SKIL: variants seen among roughly 807,000 people sequenced by gnomAD.
SKIL encodes the protein SKI like proto-oncogene, also known as ski-like protein.
Under a neutral mutation model 69.6 loss-of-function variants are expected in SKIL, and 20 were observed. The ratio of observed to expected loss-of-function variants is 0.29; its 90% confidence interval spans 0.20 to 0.42. The LOEUF (loss-of-function observed/expected upper bound fraction) is 0.42, where lower values mean the gene tolerates loss of function less well. Among genes scored for constraint, SKIL ranks in the 10% least tolerant of loss-of-function variants. The probability of loss-of-function intolerance (pLI) is 1.00; values close to 1 mark genes in which losing one functional copy is unlikely to be tolerated. For synonymous variants in SKIL, 310 were observed against 279.9 expected (o/e 1.11, Z -1.08); for missense variants, 745 against 783.1 (o/e 0.95, Z 0.58).
At chr3:170,379,900 TC>T (rs535724224) in intron 2 of SKIL, among the ~76,000 whole-genome samples, 131 of 152,272 alleles carry the variant, frequency 8.6e-4, no homozygotes, top group African/African-American at 3.0e-3. Context: ...CACCTCGGCC[TC>T]CCACAGTGCT....
chr3:170,360,108 G>C lies in SKIL; in HGVS notation c.-224G>C, dbSNP rs1736147410. On this transcript the variant is annotated 5_prime_UTR_variant, in exon 2 of 7. Transcript: ENST00000259119. Reference sequence around the variant, plus strand: ...TGTGCCTCTTTTCTTTATTATTAGAGGCAAAACGAACAATTTTATAGGATT... The same window carrying C: ...TGTGCCTCTTTTCTTTATTATTAGACGCAAAACGAACAATTTTATAGGATT... The C allele has an allele frequency of 2.3e-6, 1 of 433,332 alleles. No homozygotes were observed. Among genetic ancestry groups the C allele is most frequent in the Non-Finnish European group, 4.1e-6 (1 of 245,866 alleles). 26.8% of individuals were successfully genotyped at this position (433,332 alleles called of 1,614,324 possible). A position where few individuals can be genotyped will look rare whatever the true frequency, so the allele number is the denominator to read the frequency against.
intron 4 of SKIL, among the ~76,000 whole-genome samples, chr3:170,389,508 G>T (rs1243351594): frequency 6.6e-6 from 1 of 151,554 alleles, no homozygotes; most frequent in Non-Finnish European, 1.5e-5. Flanking sequence ...TAGAGACAGG[G>T]TTTCACCATG....
At chr3:170,380,310 A>G (rs1577433117) in intron 2 of SKIL, among the ~76,000 whole-genome samples, 1 of 152,254 alleles carries the variant, frequency 6.6e-6, no homozygotes. Context: ...ATAAGAATCA[A>G]TTTTCCAGTG....
At chr3:170,361,463 A>C in intron 2 of SKIL, 34 bp downstream of exon 2, 1 of 1,462,164 alleles carries the variant, frequency 6.8e-7, no homozygotes. Flanking sequence ...AATAATGGTA[A>C]TGGTTTACTT....
At chr3:170,375,772 GTC>G (rs1161737405) in intron 2 of SKIL, among the ~76,000 whole-genome samples, 1 of 151,946 alleles carries the variant, frequency 6.6e-6, no homozygotes, top group Non-Finnish European at 1.5e-5. Flanking sequence ...AGAGATGGGG[GTC>G]TCTCTATGTT....
Position 170,393,756 on chromosome 3 carries a change from A to G in SKIL, c.*1339A>G, listed in dbSNP as rs1394348292. On this transcript the variant is annotated 3_prime_UTR_variant, in exon 7 of 7. Coordinates refer to ENST00000259119, the MANE Select transcript of SKIL (RefSeq NM_005414.5). The stretch of plus-strand genomic sequence containing the variant: ...TTTTATGGGATAATAAATGTTTTTC[A>G]TGTTCTCTTATAAGATACTATGTAT... 1 of 152,086 alleles carries G rather than the reference A, an allele frequency of 6.6e-6. No individual in the cohort carries two copies. Among genetic ancestry groups the G allele is most frequent in the East Asian group, 1.9e-4 (1 of 5,192 alleles). The allele number at this position is 152,086 out of a possible 1,614,324, so 9.4% of individuals were successfully genotyped here.
At chr3:170,374,511 T>C (rs1736940004) in intron 2 of SKIL, among the ~76,000 whole-genome samples, 1 of 152,210 alleles carries the variant, frequency 6.6e-6, no homozygotes, top group South Asian at 2.1e-4. Context: ...AAAGGTAAGA[T>C]ACCAGGCAGT....
In SKIL at chr3:170,384,662, C is replaced by G; in HGVS notation, c.1326C>G (p.His442Gln). 1 of 1,611,916 alleles carries G rather than the reference C, an allele frequency of 6.2e-7. No individual in the cohort carries two copies. The highest frequency in any genetic ancestry group is 8.5e-7 in the Non-Finnish European group (1 of 1,178,104). Residue 442 changes from histidine to glutamine, a missense_variant, in exon 4 of 7, where the codon CAC (histidine) becomes CAG (glutamine). Coordinates refer to ENST00000259119, the MANE Select transcript of SKIL (RefSeq NM_005414.5). The part of the protein sequence containing the change: ...KSISRQSEKA[H>Q]SSGKLQKTVS... ...TATCAAGACAGTCAGAGAAGGCTCA[C>G]AGTAGTGGTAAACTTCAAAAAACAG...
At chr3:170,368,760 T>G (rs961680308) in intron 2 of SKIL, among the ~76,000 whole-genome samples, 2 of 152,242 alleles carry the variant, frequency 1.3e-5, no homozygotes, top group Admixed American at 6.5e-5. Flanking sequence ...GGATATTTGC[T>G]TACTAAAATG....
At chr3:170,390,607 C>G in intron 5 of SKIL, 143 bp downstream of exon 5, 1 of 663,752 alleles carries the variant, frequency 1.5e-6, no homozygotes, top group Non-Finnish European at 2.6e-6. Flanking sequence ...CTGCCTTAGC[C>G]TTCCGAGTAG....
chr3:170,378,762 C>CA (rs1737172833), intron 2 of SKIL, among the ~76,000 whole-genome samples: 1 of 148,302 alleles, frequency 6.7e-6, no homozygotes, highest in South Asian at 2.2e-4. Context: ...AGGCTGGTCT[C>CA]AAACTCCTGA....
At chr3:170,382,530 A>C (rs1737406791) in intron 3 of SKIL, among the ~76,000 whole-genome samples, 1 of 142,480 alleles carries the variant, frequency 7.0e-6, no homozygotes, top group South Asian at 2.2e-4. Context: ...TTCTCTTGTC[A>C]TGGCATCCTG....
At chr3:170,372,976 A>G (rs1050583154) in intron 2 of SKIL, among the ~76,000 whole-genome samples, 2 of 148,044 alleles carry the variant, frequency 1.4e-5, no homozygotes, top group Non-Finnish European at 3.0e-5. Context: ...CTGTTTTTAG[A>G]AATAATTTTC....
chr3:170,364,844 C>A (rs1178876453), intron 2 of SKIL, among the ~76,000 whole-genome samples: 1 of 152,094 alleles, frequency 6.6e-6, no homozygotes, highest in Non-Finnish European at 1.5e-5. Context: ...TCCCAGAATT[C>A]ACTGATTTGA....
intron 2 of SKIL, among the ~76,000 whole-genome samples, chr3:170,376,274 G>T (rs13067347): frequency 0.77 from 116,667 of 151,612 alleles, 45,658 homozygotes; most frequent in East Asian, 0.94. Context: ...TTCGAACTCC[G>T]GACCTCAAAT....
At chr3:170,374,717 TAC>T (rs1261074315) in intron 2 of SKIL, among the ~76,000 whole-genome samples, 26 of 152,354 alleles carry the variant, frequency 1.7e-4, no homozygotes, top group Admixed American at 1.3e-3. Flanking sequence ...GTTTTTAACA[TAC>T]AGTTAGGATA....
intron 2 of SKIL, among the ~76,000 whole-genome samples, chr3:170,367,170 G>A (rs996186230): frequency 3.6e-4 from 55 of 152,098 alleles, no homozygotes; most frequent in African/African-American, 1.2e-3. Flanking sequence ...GTGCAGTGGC[G>A]CGATGTCAGC....
chr3:170,361,440 T>A lies in SKIL; in HGVS notation c.1098+11T>A. 6.5e-7 allele frequency: 1 copy of A among 1,533,286 alleles called. No individual in the cohort carries two copies. The highest frequency in any genetic ancestry group is 8.8e-7 in the Non-Finnish European group (1 of 1,142,720). The allele number at this position is 1,533,286 out of a possible 1,614,324, so 95.0% of individuals were successfully genotyped here. On this transcript the variant is annotated intron_variant, in intron 2 of 6. Coordinates refer to ENST00000259119, the MANE Select transcript of SKIL (RefSeq NM_005414.5). The stretch of plus-strand genomic sequence containing the variant: ...AGAAATCAATCCAAGGCAAGTTTTT[T>A]ATATCAATTTTTAATAATGGTAATG...
chr3:170,388,818 G>C (rs1737771120), intron 4 of SKIL, among the ~76,000 whole-genome samples: 1 of 151,910 alleles, frequency 6.6e-6, no homozygotes, highest in Non-Finnish European at 1.5e-5. Context: ...TCATATCTAA[G>C]AAACTATTGC....
Sources: allele counts gnomAD v4.1 joint callset (sites outside exome capture counted in the v4.1 genomes callset), GRCh38; gene constraint gnomAD v4.1.1; transcripts MANE v1.5; gene names NCBI Gene and HGNC (gene_info 2026-07-23, HGNC 2026-07-21).